NBEA: variants seen among roughly 807,000 people sequenced by gnomAD.
The protein encoded by NBEA is neurobeachin.
Under a neutral mutation model 343.4 loss-of-function variants are expected in NBEA, and 44 were observed. The observed-to-expected ratio is 0.13, with a 90% CI of 0.10 to 0.16. NBEA has a LOEUF of 0.16. Among genes scored for constraint, NBEA ranks in the 10% least tolerant of loss-of-function variants. The pLI, the probability that NBEA is intolerant of heterozygous loss-of-function variation, is 1.00. For synonymous variants in NBEA, 1,175 were observed against 1,238.7 expected, an observed-to-expected ratio of 0.95 and a Z score of 1.08; for missense variants, 2,555 against 3,631.3, an observed-to-expected ratio of 0.70 and a Z score of 7.62.
At chr13:35,625,707 G>A (rs1050964951) in intron 48 of NBEA, among the ~76,000 whole-genome samples, 6 of 151,986 alleles carry the variant, frequency 3.9e-5, no homozygotes, top group African/African-American at 1.4e-4. Flanking sequence ...TAAGGGATAT[G>A]AACAGGAAAT....
At chr13:35,135,597 ACT>A (rs1173290980) in intron 17 of NBEA, among the ~76,000 whole-genome samples, 2 of 152,006 alleles carry the variant, frequency 1.3e-5, no homozygotes, top group Non-Finnish European at 2.9e-5. Flanking sequence ...GGTTAAAAAA[ACT>A]CTTCAAAAGC....
chr13:34,983,211 C>G (rs1593358509), intron 1 of NBEA, among the ~76,000 whole-genome samples: 1 of 152,116 alleles, frequency 6.6e-6, no homozygotes, highest in African/African-American at 2.4e-5. Context: ...GTGATGTTCC[C>G]CGCCCTGTGT....
At chr13:35,540,757 A>G (rs2078782523) in intron 41 of NBEA, among the ~76,000 whole-genome samples, 1 of 152,158 alleles carries the variant, frequency 6.6e-6, no homozygotes, top group African/African-American at 2.4e-5. Flanking sequence ...CTCTATCCTC[A>G]TTAAGTCCAT....
chr13:35,385,668 A>C (rs776779334), intron 38 of NBEA, among the ~76,000 whole-genome samples: 2 of 152,126 alleles, frequency 1.3e-5, no homozygotes, highest in African/African-American at 4.8e-5. Context: ...ACATCGCTGC[A>C]CTCCAGCCTA....
At chr13:35,082,688 G>T (rs8002205) in intron 10 of NBEA, among the ~76,000 whole-genome samples, 1 of 151,914 alleles carries the variant, frequency 6.6e-6, no homozygotes, top group Non-Finnish European at 1.5e-5. Context: ...GCATTTTTTC[G>T]TGTGTCTTTT....
In NBEA at chr13:34,974,266, C is replaced by T. The variant is rs146671369; in HGVS notation, c.294+31152C>T. ...CTGTATTTACTTGCCCCTTTCATTC[C>T]TCTCTGTGAGAGCCATGCACCATTG... On this transcript the variant is annotated intron_variant, in intron 1 of 58. Coordinates refer to ENST00000379939, the MANE Select transcript of NBEA (RefSeq NM_001385012.1). Among the ~76,000 whole-genome samples the T allele has an allele frequency of 1.5e-4, 23 of 152,298 alleles. 1 individual carries two copies. The East Asian group carries it at 4.4e-3, about 29-fold the overall frequency.
intron 1 of NBEA, among the ~76,000 whole-genome samples, chr13:35,017,451 G>C (rs1167544875): frequency 6.6e-6 from 1 of 152,126 alleles, no homozygotes; most frequent in African/African-American, 2.4e-5. Flanking sequence ...GAAAGGTCCA[G>C]TTGTTTTACA....
At chr13:35,124,614 A>G (rs2066991400) in intron 17 of NBEA, among the ~76,000 whole-genome samples, 1 of 145,574 alleles carries the variant, frequency 6.9e-6, no homozygotes, top group Admixed American at 6.9e-5. Flanking sequence ...ATACACATAC[A>G]TATATATGGA....
At chr13:35,553,152 G>A (rs9530699) in intron 43 of NBEA, among the ~76,000 whole-genome samples, 135,098 of 151,980 alleles carry the variant, frequency 0.89, 60,969 homozygotes, top group East Asian at 1. Context: ...TAAGCCTCCC[G>A]AAGTGCTGGG....
intron 30 of NBEA, among the ~76,000 whole-genome samples, chr13:35,190,905 A>G (rs1159424478): frequency 6.6e-6 from 1 of 152,180 alleles, no homozygotes; most frequent in Non-Finnish European, 1.5e-5. Flanking sequence ...AAGGTATAAG[A>G]GCGATATCTC....
chr13:35,473,172 G>A (rs189761499), intron 41 of NBEA, among the ~76,000 whole-genome samples: 1 of 152,134 alleles, frequency 6.6e-6, no homozygotes. Context: ...TTTATTAAAT[G>A]TTATTGTGTA....
intron 34 of NBEA, among the ~76,000 whole-genome samples, chr13:35,286,635 T>A (rs1156857126): frequency 6.6e-6 from 1 of 152,162 alleles, no homozygotes; most frequent in Non-Finnish European, 1.5e-5. Context: ...CTGACAGTTC[T>A]TTATTAAAAT....
chr13:35,460,918 C>A (rs2046869453), intron 40 of NBEA, among the ~76,000 whole-genome samples: 1 of 152,218 alleles, frequency 6.6e-6, no homozygotes, highest in Admixed American at 6.5e-5. Flanking sequence ...TAGGGACTCT[C>A]TGCAGAGTCC....
chr13:35,646,318 A>G lies in NBEA; in HGVS notation c.7740A>G (p.Pro2580=). The change falls in exon 51 of 59, where the codon CCA becomes CCG. Residue 2580 remains proline, a synonymous_variant. Coordinates refer to ENST00000379939, the MANE Select transcript of NBEA (RefSeq NM_001385012.1). ...GQTPSQLLIE[P]HPPRSSAMHL... ...CGCCATCTCAGTTGCTTATTGAGCC[A>G]CATCCGCCTCGGAGCTCTGCCATGC... 14 of 1,613,856 alleles carry G rather than the reference A, an allele frequency of 8.7e-6. No homozygotes were observed. The highest frequency in any genetic ancestry group is 1.1e-5 in the Non-Finnish European group (13 of 1,179,822).
At position 35,109,356 on chromosome 13, in the gene NBEA, G is replaced by A. The variant is rs774874223; in HGVS notation, c.1747G>A (p.Gly583Ser). ...QFLSFAKYLD[G>S]LSHGAPLLKQ... ...TTTATCTTTTGCAAAATACCTTGAT[G>A]GTTTATCTCATGGAGCACCTTTGCT... is the stretch of plus-strand genomic sequence containing the variant. Residue 583 changes from glycine to serine, a missense_variant, in exon 12 of 59, where the codon GGT becomes AGT. Around this residue, in one of 21 missense-constraint regions of NBEA, gnomAD observed 360 missense variants for 519.1 expected, o/e 0.69. Transcript: ENST00000379939. 4.3e-6 allele frequency: 7 copies of A among 1,612,210 alleles called. No homozygotes were observed. The South Asian group carries it at 7.7e-5, about 18-fold the overall frequency.
chr13:35,325,809 A>G (rs2038517817), intron 36 of NBEA, among the ~76,000 whole-genome samples: 1 of 151,950 alleles, frequency 6.6e-6, no homozygotes, highest in African/African-American at 2.4e-5. Context: ...TAAATTTTTA[A>G]TCTTTCTTTA....
chr13:35,009,746 G>A (rs920115294), intron 1 of NBEA, among the ~76,000 whole-genome samples: 1 of 152,142 alleles, frequency 6.6e-6, no homozygotes, highest in Non-Finnish European at 1.5e-5. Context: ...TGGTGAGGGT[G>A]GATGCAGAGA....
intron 18 of NBEA, among the ~76,000 whole-genome samples, chr13:35,149,492 G>GAT (rs1198054670): frequency 1.3e-5 from 2 of 152,100 alleles, no homozygotes; most frequent in Non-Finnish European, 2.9e-5. Context: ...TAGGTTCCAT[G>GAT]ATATATATAC....
intron 36 of NBEA, among the ~76,000 whole-genome samples, chr13:35,333,612 G>A (rs1464679088): frequency 6.6e-6 from 1 of 151,868 alleles, no homozygotes; most frequent in Non-Finnish European, 1.5e-5. Flanking sequence ...ACCCTGTTGT[G>A]CTATTCAATA....
Sources: allele counts gnomAD v4.1 joint callset (sites outside exome capture counted in the v4.1 genomes callset), GRCh38; gene constraint gnomAD v4.1.1; regional missense constraint gnomAD v4.1.1; transcripts MANE v1.5; gene names NCBI Gene and HGNC (gene_info 2026-07-23, HGNC 2026-07-21).